LILRA2: variants seen among roughly 807,000 people sequenced by gnomAD.
LILRA2 encodes leukocyte immunoglobulin-like receptor subfamily A member 2.
A neutral mutation model predicts 47.9 loss-of-function variants in LILRA2; 45 were observed. The ratio of observed to expected loss-of-function variants is 0.94; its 90% CI spans 0.74 to 1.20. The LOEUF is 1.20. Ranked by LOEUF, LILRA2 falls within the 50% of genes most tolerant of loss-of-function variation. The probability of loss-of-function intolerance (pLI) is 0.00; values close to 1 mark genes in which losing one functional copy is unlikely to be tolerated. For synonymous variants in LILRA2, 279 were observed against 249.2 expected (o/e 1.12, Z -1.13); for missense variants, 651 against 598.2 (o/e 1.09, Z -0.92).
Position 54,587,684 on chromosome 19 carries a change from C to G in LILRA2, c.*338C>G, listed in dbSNP as rs563602054. The G allele has an allele frequency of 3.0e-6, 1 of 337,704 alleles. No individual in the cohort carries two copies. The highest frequency in any genetic ancestry group is 4.1e-5 in the Admixed American group (1 of 24,286). 20.9% of individuals were successfully genotyped at this position (337,704 alleles called of 1,614,324 possible). ...GTGCTCTGGTCCACGGCATGTGACA[C>G]AGTCTTCCTTATTCCTCATTGTCAC... On this transcript the variant is annotated 3_prime_UTR_variant, in exon 8 of 8. Transcript: ENST00000391738.
chr19:54,573,732 C>T, upstream of LILRA2: 1 of 1,536,250 alleles, frequency 6.5e-7, no homozygotes, highest in South Asian at 1.2e-5. Context: ...CCTGAGAGGG[C>T]AGTTGCACTT....
chr19:54,587,436 C>G lies in LILRA2; in HGVS notation c.*90C>G. ...GGAGGCTCTGGAGGACAATCTAGGA[C>G]CTACATTATCTGGACTGTATGCTGG... On this transcript the variant is annotated 3_prime_UTR_variant, in exon 8 of 8. Coordinates refer to ENST00000391738, the MANE Select transcript of LILRA2 (RefSeq NM_001130917.3). The G allele has an allele frequency of 1.3e-6, 2 of 1,571,274 alleles. No homozygotes were observed. Among genetic ancestry groups the G allele is most frequent in the Non-Finnish European group, 1.7e-6 (2 of 1,156,122 alleles).
chr19:54,579,411 A>G (rs2062574905), intron 6 of LILRA2, among the ~76,000 whole-genome samples: 1 of 152,126 alleles, frequency 6.6e-6, no homozygotes, highest in Non-Finnish European at 1.5e-5. Flanking sequence ...CAAAGATCAG[A>G]TGGTTGTAGA....
intron 6 of LILRA2, among the ~76,000 whole-genome samples, chr19:54,576,852 G>C (rs1418712981): frequency 6.6e-6 from 1 of 152,280 alleles, no homozygotes; most frequent in Non-Finnish European, 1.5e-5. Flanking sequence ...CTCTCCTTGG[G>C]AGGTGGAACT....
chr19:54,577,384 A>G, intron 6 of LILRA2: 1 of 1,110,620 alleles, frequency 9.0e-7, no homozygotes. Flanking sequence ...GCTGGGGCTG[A>G]TGGAGGAGGA....
At chr19:54,586,494 A>T (rs1695162748) in intron 6 of LILRA2, among the ~76,000 whole-genome samples, 1 of 152,180 alleles carries the variant, frequency 6.6e-6, no homozygotes, top group South Asian at 2.1e-4. Flanking sequence ...GGTTGAGGGC[A>T]TGAAGGGGAG....
chr19:54,589,773 G>A lies in LILRA2; in HGVS notation c.*2427G>A, dbSNP rs746593470. On this transcript the variant is annotated 3_prime_UTR_variant, in exon 8 of 8. Coordinates refer to ENST00000391738, the MANE Select transcript of LILRA2 (RefSeq NM_001130917.3). ...GTTCTCTGGTGAGCCCCATCATGCTGTCCTAGAAGATCCACTTAGAATTTC... is the reference window on the plus strand; with the variant it reads ...GTTCTCTGGTGAGCCCCATCATGCTATCCTAGAAGATCCACTTAGAATTTC... 1 of 151,790 alleles carries A rather than the reference G, an allele frequency of 6.6e-6. No individual in the cohort carries two copies. 9.4% of individuals were successfully genotyped at this position (151,790 alleles called of 1,614,324 possible).
In LILRA2 at chr19:54,574,567, G is replaced by A; in HGVS notation, c.337G>A (p.Glu113Lys). 1 of 1,614,026 alleles carries A rather than the reference G, an allele frequency of 6.2e-7. No homozygotes were observed. Among genetic ancestry groups the A allele is most frequent in the Non-Finnish European group, 8.5e-7 (1 of 1,179,950 alleles). The change falls in exon 3 of 8, where the codon GAG (glutamate) becomes AAG (lysine). Residue 113 changes from glutamate to lysine, a missense_variant. Glu to Lys is a moderately conservative substitution (Grantham distance 56). Coordinates refer to ENST00000391738, the MANE Select transcript of LILRA2 (RefSeq NM_001130917.3). Reference sequence around the variant, plus strand: ...CTCATCAGAGTACAGTGACCCCCTGGAGCTGGTGGTGACAGGTGAGAGGAC... The same window carrying A: ...CTCATCAGAGTACAGTGACCCCCTGAAGCTGGTGGTGACAGGTGAGAGGAC... Reference protein sequence around the residue: ...NHSSEYSDPLELVVTGAYSKP... With the variant: ...NHSSEYSDPLKLVVTGAYSKP...
At chr19:54,586,933 A>G in intron 6 of LILRA2, 77 bp from the exon 7 acceptor site, 1 of 1,070,820 alleles carries the variant, frequency 9.3e-7, no homozygotes, top group Admixed American at 2.4e-5. Flanking sequence ...ATGTCAAGAG[A>G]CACAGGGGAA....
At chr19:54,585,806 T>C (rs1469831165) in intron 6 of LILRA2, among the ~76,000 whole-genome samples, 2 of 152,166 alleles carry the variant, frequency 1.3e-5, no homozygotes, top group East Asian at 1.9e-4. Context: ...GCAGCCACAG[T>C]CCAACCAGTC....
intron 5 of LILRA2, 78 bp downstream of exon 5, chr19:54,575,630 G>A (rs1377203404): frequency 8.8e-6 from 14 of 1,584,450 alleles, no homozygotes; most frequent in African/African-American, 2.7e-5. Context: ...GGTGATGGCC[G>A]GAATGAGGGT....
chr19:54,578,471 C>T (rs925169292), intron 6 of LILRA2, among the ~76,000 whole-genome samples: 9 of 152,198 alleles, frequency 5.9e-5, no homozygotes, highest in African/African-American at 2.2e-4. Context: ...TTTTTAACGG[C>T]TGCATAGTAT....
chr19:54,582,384 G>A (rs1245389414), intron 6 of LILRA2, among the ~76,000 whole-genome samples: 1 of 152,194 alleles, frequency 6.6e-6, no homozygotes, highest in South Asian at 2.1e-4. Flanking sequence ...GGTAGAATTC[G>A]GCTGCGAATC....
chr19:54,585,095 G>T (rs1041281428), intron 6 of LILRA2, among the ~76,000 whole-genome samples: 4 of 152,192 alleles, frequency 2.6e-5, no homozygotes, highest in Admixed American at 6.5e-5. Context: ...ATTTGCCTGG[G>T]TATCACCAGC....
chr19:54,574,291 T>C lies in LILRA2; in HGVS notation c.71-10T>C. ...AATGACTTAGAATCCGACCTCTGAT[T>C]TCCTTCCAGGGCACCTCCCCAAGCC... On this transcript the variant is annotated splice_polypyrimidine_tract_variant and intron_variant, in intron 2 of 7. Coordinates refer to ENST00000391738, the MANE Select transcript of LILRA2 (RefSeq NM_001130917.3). 1 of 1,614,006 alleles carries C rather than the reference T, an allele frequency of 6.2e-7. No individual in the cohort carries two copies.
Position 54,587,403 on chromosome 19 carries a change from T to C in LILRA2, c.*57T>C. 3 of 1,611,368 alleles carry C rather than the reference T, an allele frequency of 1.9e-6. No homozygotes were observed. Among genetic ancestry groups the C allele is most frequent in the Non-Finnish European group, 2.5e-6 (3 of 1,178,374 alleles). On this transcript the variant is annotated 3_prime_UTR_variant, in exon 8 of 8. Transcript: ENST00000391738. ...GGTGGAGCCTCAGGGACAGATCTGA[T>C]GATCCCAGGAGGCTCTGGAGGACAA...
rs2062872467 is a variant in LILRA2, at chr19:54,588,604, T to TAAAAA, written c.*1258_*1259insAAAAA. 7.9e-6 allele frequency: 1 copy of TAAAAA among 127,198 alleles called. No individual in the cohort carries two copies. Among genetic ancestry groups the TAAAAA allele is most frequent in the African/African-American group, 2.9e-5 (1 of 34,112 alleles). 7.9% of individuals were successfully genotyped at this position (127,198 alleles called of 1,614,324 possible). A position where few individuals can be genotyped will look rare whatever the true frequency, so the allele number is the denominator to read the frequency against. On this transcript the variant is annotated 3_prime_UTR_variant, in exon 8 of 8. Coordinates refer to ENST00000391738, the MANE Select transcript of LILRA2 (RefSeq NM_001130917.3). The stretch of plus-strand genomic sequence containing the variant: ...CTGGGCGACAGAGCAAGACTCCGTC[T>TAAAAA]CAAAAAAAAAAAAAAATCCAAGTAC...
Position 54,574,668 on chromosome 19 carries a change from C to G in LILRA2, c.353-63C>G. ...CAGGGGCATCTCCGCTCTCACAGCT[C>G]AACCCTGGGGATGATGTGGGAGGTG... On this transcript the variant is annotated intron_variant, in intron 3 of 7. Coordinates refer to ENST00000391738, the MANE Select transcript of LILRA2 (RefSeq NM_001130917.3). 5.6e-6 allele frequency: 9 copies of G among 1,600,826 alleles called. No individual in the cohort carries two copies. In the South Asian group the frequency reaches 1.0e-4, roughly 18 times the overall value.
At chr19:54,579,849 G>T (rs1315315302) in intron 6 of LILRA2, among the ~76,000 whole-genome samples, 1 of 152,028 alleles carries the variant, frequency 6.6e-6, no homozygotes, top group East Asian at 1.9e-4. Flanking sequence ...GGATTCCTAG[G>T]TATTTTATTC....
Sources: allele counts gnomAD v4.1 joint callset (sites outside exome capture counted in the v4.1 genomes callset), GRCh38; gene constraint gnomAD v4.1.1; transcripts MANE v1.5; gene names NCBI Gene and HGNC (gene_info 2026-07-23, HGNC 2026-07-21).